The following GPN1 variants were observed in gnomAD, a reference collection of about 807,000 sequenced individuals.
The protein encoded by GPN1 is ATP(GTP)-binding protein.
Under a neutral mutation model 55.9 loss-of-function variants are expected in GPN1, and 44 were observed. That is an observed-to-expected ratio of 0.79 (90% CI 0.62 to 1.01). GPN1 has a LOEUF of 1.01. Ranked by LOEUF, GPN1 falls within the 50% of genes least tolerant of loss-of-function variation. The pLI is 0.00. For synonymous variants in GPN1, 179 were observed against 162.5 expected, an observed-to-expected ratio of 1.10 and a Z score of -0.77; for missense variants, 466 against 462.8, an observed-to-expected ratio of 1.01 and a Z score of -0.06.
chr2:27,645,942 C>T (rs1332838756), intron 12 of GPN1, among the ~76,000 whole-genome samples: 1 of 152,080 alleles, frequency 6.6e-6, no homozygotes, highest in Non-Finnish European at 1.5e-5. Context: ...GTTGCCCAGG[C>T]TGGTCTCGAA....
intron 9 of GPN1, 113 bp from the exon 10 acceptor site, chr2:27,639,930 C>G: frequency 1.3e-6 from 1 of 790,406 alleles, no homozygotes; most frequent in Non-Finnish European, 2.1e-6. Context: ...CCAAAGACTT[C>G]TCAAAATATA....
In GPN1 at chr2:27,642,752, T is replaced by C. The variant is rs537787359; in HGVS notation, c.931+233T>C. 2.6e-5 allele frequency among the ~76,000 whole-genome samples: 4 copies of C among 151,742 alleles called. No homozygotes were observed. The East Asian group carries it at 7.8e-4, about 30-fold the overall frequency. Reference sequence around the variant, plus strand: ...GCTAATTTTGTATTTTTAGTAGAGATGGGGTTTTTTCCATGTTGGTCAGGC... The same window carrying C: ...GCTAATTTTGTATTTTTAGTAGAGACGGGGTTTTTTCCATGTTGGTCAGGC... On this transcript the variant is annotated intron_variant, in intron 12 of 13. Transcript: ENST00000610189.
intron 12 of GPN1, among the ~76,000 whole-genome samples, chr2:27,647,589 T>C (rs1301006648): frequency 2.0e-5 from 3 of 152,314 alleles, no homozygotes; most frequent in African/African-American, 7.2e-5. Context: ...GACAAGCTTC[T>C]TGAAAATTAT....
upstream of GPN1, chr2:27,628,821 C>A (rs964605484): frequency 1.1e-5 from 17 of 1,481,714 alleles, no homozygotes; most frequent in Non-Finnish European, 1.4e-5. Context: ...GATCAGCGCC[C>A]TTTTCCTAGC....
chr2:27,637,258 T>C (rs2148069871), intron 7 of GPN1, among the ~76,000 whole-genome samples: 1 of 152,264 alleles, frequency 6.6e-6, no homozygotes. Flanking sequence ...GGGGAAGATA[T>C]ATTAACTGTT....
chr2:27,631,003 G>C (rs1285197583), intron 2 of GPN1, 24 bp from the exon 3 acceptor site: 26 of 1,132,072 alleles, frequency 2.3e-5, no homozygotes, highest in Non-Finnish European at 3.3e-5. Flanking sequence ...TTACATTCCA[G>C]TTAATTCTTT....
intron 13 of GPN1, among the ~76,000 whole-genome samples, chr2:27,649,445 AATAT>A (rs35605899): frequency 0.17 from 25,785 of 151,960 alleles, 2,636 homozygotes; most frequent in East Asian, 0.33. Context: ...AGCTTTAATA[AATAT>A]ATACTTTCTT....
chr2:27,628,506 A>G (rs146826794), upstream of GPN1: 113 of 1,551,404 alleles, frequency 7.3e-5, no homozygotes, highest in African/African-American at 1.5e-3. Flanking sequence ...ACTCGCGGGA[A>G]CAATGTGCAA....
chr2:27,642,217 A>G, intron 11 of GPN1: 2 of 503,710 alleles, frequency 4.0e-6, no homozygotes, highest in Non-Finnish European at 7.2e-6. Flanking sequence ...TGAACCCTCT[A>G]AATCAGTCTG....
chr2:27,648,192 G>A (rs1182540123), intron 13 of GPN1, among the ~76,000 whole-genome samples: 1 of 152,122 alleles, frequency 6.6e-6, no homozygotes, highest in East Asian at 1.9e-4. Context: ...AGGGATCCAG[G>A]ACTTTTGTTT....
At chr2:27,636,814 T>A (rs931925347) in intron 7 of GPN1, among the ~76,000 whole-genome samples, 1 of 152,212 alleles carries the variant, frequency 6.6e-6, no homozygotes, top group Non-Finnish European at 1.5e-5. Context: ...TTATTTGATT[T>A]GCCTGATAGT....
intron 13 of GPN1, among the ~76,000 whole-genome samples, chr2:27,648,260 C>T (rs1481317972): frequency 1.3e-5 from 2 of 152,242 alleles, no homozygotes; most frequent in African/African-American, 4.8e-5. Flanking sequence ...TGGCTCATGC[C>T]TGTAATCCCA....
At chr2:27,638,055 G>T (rs1037943079) in intron 7 of GPN1, among the ~76,000 whole-genome samples, 155 bp from the exon 8 acceptor site, 17 of 152,140 alleles carry the variant, frequency 1.1e-4, no homozygotes, top group African/African-American at 4.1e-4. Context: ...TTGTTTTCCT[G>T]TTGGCAGAGA....
At chr2:27,632,004 A>G (rs2148064177) in intron 4 of GPN1, 104 bp downstream of exon 4, 1 of 748,578 alleles carries the variant, frequency 1.3e-6, no homozygotes, top group East Asian at 2.5e-5. Flanking sequence ...ACCTGAGCAT[A>G]AATATAGAAA....
intron 12 of GPN1, among the ~76,000 whole-genome samples, chr2:27,647,440 G>C (rs1024795654): frequency 1.3e-5 from 2 of 152,104 alleles, no homozygotes; most frequent in African/African-American, 4.8e-5. Flanking sequence ...ATTTCCACCA[G>C]GAGGCTTCCT....
In GPN1 at chr2:27,650,100, C is replaced by T. The variant is rs1674453213; in HGVS notation, c.1040-15C>T. ...ATGAAAGAGTTGAAAAAGAATTGCC[C>T]TTTTTTCCTTGCAGTTACAGAGGAA... On this transcript the variant is annotated splice_polypyrimidine_tract_variant and intron_variant, in intron 13 of 13. Transcript: ENST00000610189. 19 of 1,500,492 alleles carry T rather than the reference C, an allele frequency of 1.3e-5. No individual in the cohort carries two copies. The East Asian group carries it at 3.4e-4, about 27-fold the overall frequency. The allele number at this position is 1,500,492 out of a possible 1,614,324, so 92.9% of individuals were successfully genotyped here.
chr2:27,628,923 T>C (rs1467102245), upstream of GPN1: 1 of 1,496,182 alleles, frequency 6.7e-7, no homozygotes, highest in East Asian at 2.4e-5. Context: ...GCTAAGAAGA[T>C]GCCCTGGCAA....
rs146533897 is a variant in GPN1, at chr2:27,629,338, G to A, written c.111+169G>A. Reference sequence around the variant, plus strand: ...CCCGGCAAAGCCTCCTCGGGCCCTAGCCAGGTTAATTAAGGCTCTCTTCTG... The same window carrying A: ...CCCGGCAAAGCCTCCTCGGGCCCTAACCAGGTTAATTAAGGCTCTCTTCTG... On this transcript the variant is annotated intron_variant, in intron 1 of 13. Coordinates refer to ENST00000610189, the MANE Select transcript of GPN1 (RefSeq NM_007266.4). The A allele has an allele frequency of 7.5e-5, 114 of 1,527,066 alleles. No homozygotes were observed. In the East Asian group the frequency reaches 2.8e-3, roughly 37 times the overall value. 94.6% of individuals were successfully genotyped at this position (1,527,066 alleles called of 1,614,324 possible).
intron 5 of GPN1, 108 bp from the exon 6 acceptor site, chr2:27,634,738 A>T: frequency 1.4e-6 from 1 of 738,858 alleles, no homozygotes; most frequent in East Asian, 2.5e-5. Flanking sequence ...GGCAGTGTGC[A>T]GAGGTTACTC....
Sources: allele counts gnomAD v4.1 joint callset (sites outside exome capture counted in the v4.1 genomes callset), GRCh38; gene constraint gnomAD v4.1.1; transcripts MANE v1.5; gene names NCBI Gene and HGNC (gene_info 2026-07-23, HGNC 2026-07-21).